ERBB4: variants seen among roughly 807,000 people sequenced by gnomAD.
ERBB4 encodes the protein erb-b2 receptor tyrosine kinase 4.
Under a neutral mutation model 158.0 loss-of-function variants are expected in ERBB4, and 42 were observed. The observed-to-expected ratio is 0.27, with a 90% confidence interval of 0.21 to 0.34. The LOEUF (loss-of-function observed/expected upper bound fraction) is 0.34. Ranked by LOEUF, ERBB4 falls within the 10% of genes least tolerant of loss-of-function variation. The pLI, the probability that ERBB4 is intolerant of heterozygous loss-of-function variation, is 1.00. For missense variants in ERBB4, 1,333 were observed against 1,624.1 expected (o/e 0.82, Z 3.08); for synonymous variants, 583 against 558.7 (o/e 1.04, Z -0.61).
chr2:211,956,331 A>C (rs755039305), intron 2 of ERBB4, among the ~76,000 whole-genome samples: 12 of 152,102 alleles, frequency 7.9e-5, no homozygotes, highest in Non-Finnish European at 1.2e-4. Context: ...AGTAAAAAGA[A>C]ATTATTAGTT....
intron 15 of ERBB4, among the ~76,000 whole-genome samples, chr2:211,659,377 A>C (rs2071336669): frequency 6.6e-6 from 1 of 152,092 alleles, no homozygotes; most frequent in South Asian, 2.1e-4. Flanking sequence ...ATTATATATA[A>C]TCTATAGTCA....
At chr2:212,434,080 C>T (rs2092086251) in intron 1 of ERBB4, among the ~76,000 whole-genome samples, 1 of 151,938 alleles carries the variant, frequency 6.6e-6, no homozygotes, top group South Asian at 2.1e-4. Flanking sequence ...TTTTAAAAAG[C>T]ATGTTTCAGA....
chr2:211,875,044 A>AAAAAAAC (rs1559600616), intron 3 of ERBB4, among the ~76,000 whole-genome samples: 13 of 114,070 alleles, frequency 1.1e-4, no homozygotes, highest in African/African-American at 3.6e-4. Flanking sequence ...AAAAAAAAAA[A>AAAAAAAC]AAAAAACAAA....
chr2:211,804,811 T>C (rs1189476321), intron 3 of ERBB4, among the ~76,000 whole-genome samples: 1 of 152,180 alleles, frequency 6.6e-6, no homozygotes, highest in African/African-American at 2.4e-5. Context: ...TCTTTAACTG[T>C]CCATTTTAGA....
intron 1 of ERBB4, among the ~76,000 whole-genome samples, chr2:212,185,916 T>G (rs114701744): frequency 6.6e-5 from 10 of 152,248 alleles, no homozygotes; most frequent in African/African-American, 2.4e-4. Context: ...TGCAAATACA[T>G]AAAAATTTCT....
intron 2 of ERBB4, among the ~76,000 whole-genome samples, chr2:212,026,074 AT>A (rs1212410191): frequency 6.6e-6 from 1 of 151,724 alleles, no homozygotes; most frequent in Non-Finnish European, 1.5e-5. Context: ...CTATGCAGAT[AT>A]TATTATTAAA....
At chr2:211,885,847 T>C (rs2078785882) in intron 3 of ERBB4, among the ~76,000 whole-genome samples, 1 of 152,182 alleles carries the variant, frequency 6.6e-6, no homozygotes, top group South Asian at 2.1e-4. Context: ...CTTAATGAAA[T>C]TAGTCTTTAA....
chr2:212,123,174 G>A (rs2079809808), intron 2 of ERBB4, among the ~76,000 whole-genome samples: 1 of 152,198 alleles, frequency 6.6e-6, no homozygotes, highest in Non-Finnish European at 1.5e-5. Flanking sequence ...GGCCGAGGAG[G>A]GCGGATTGCC....
intron 1 of ERBB4, among the ~76,000 whole-genome samples, chr2:212,129,787 C>T (rs750806174): frequency 1.3e-5 from 2 of 151,990 alleles, no homozygotes; most frequent in Non-Finnish European, 2.9e-5. Flanking sequence ...ACTCTATTTG[C>T]CAAACATTCT....
At chr2:212,528,567 T>C (rs1575087437) in intron 1 of ERBB4, among the ~76,000 whole-genome samples, 1 of 152,190 alleles carries the variant, frequency 6.6e-6, no homozygotes, top group Non-Finnish European at 1.5e-5. Flanking sequence ...AATTTTCTCA[T>C]TAATAGATTA....
chr2:212,046,634 G>A (rs1300095112), intron 2 of ERBB4, among the ~76,000 whole-genome samples: 2 of 152,162 alleles, frequency 1.3e-5, no homozygotes, highest in African/African-American at 2.4e-5. Context: ...ACAGTCCAGT[G>A]ATTCTTATAT....
chr2:211,925,708 T>A (rs2080002545), intron 3 of ERBB4, among the ~76,000 whole-genome samples: 1 of 152,162 alleles, frequency 6.6e-6, no homozygotes, highest in Admixed American at 6.5e-5. Context: ...ACTACGGAAA[T>A]AAATATATGT....
At chr2:211,962,328 C>T (rs1270574985) in intron 2 of ERBB4, among the ~76,000 whole-genome samples, 1 of 152,156 alleles carries the variant, frequency 6.6e-6, no homozygotes, top group Non-Finnish European at 1.5e-5. Context: ...CAAATTCTCT[C>T]TATTCATATG....
chr2:211,589,840 AC>A (rs1210772784), intron 19 of ERBB4, among the ~76,000 whole-genome samples: 4 of 152,146 alleles, frequency 2.6e-5, no homozygotes, highest in Non-Finnish European at 5.9e-5. Flanking sequence ...ATTATTAAAA[AC>A]ATCTATGTCC....
chr2:212,462,702 C>T (rs1415466002), intron 1 of ERBB4, among the ~76,000 whole-genome samples: 4 of 152,072 alleles, frequency 2.6e-5, no homozygotes, highest in Admixed American at 2.6e-4. Context: ...GGATGCTCCT[C>T]AAAAAAGTAA....
intron 20 of ERBB4, among the ~76,000 whole-genome samples, chr2:211,513,357 C>CAAAAAAAAAAAAAAAAAAAAA (rs61042785): frequency 2.6e-5 from 1 of 39,200 alleles, no homozygotes; most frequent in African/African-American, 6.6e-5. Context: ...GACTCCGTCT[C>CAAAAAAAAAAAAAAAAAAAAA]AAAAAAAAAA....
intron 1 of ERBB4, among the ~76,000 whole-genome samples, chr2:212,284,822 T>C (rs1427986133): frequency 6.6e-6 from 1 of 152,116 alleles, no homozygotes; most frequent in Non-Finnish European, 1.5e-5. Context: ...TGTTTACAAA[T>C]AACAGGATGG....
At chr2:212,143,704 C>A (rs184033308) in intron 1 of ERBB4, among the ~76,000 whole-genome samples, 1 of 152,032 alleles carries the variant, frequency 6.6e-6, no homozygotes, top group Non-Finnish European at 1.5e-5. Context: ...TCTTCCTTTT[C>A]GCACTTTGTT....
intron 19 of ERBB4, among the ~76,000 whole-genome samples, chr2:211,592,634 G>A (rs535426417): frequency 6.6e-6 from 1 of 152,228 alleles, no homozygotes; most frequent in East Asian, 1.9e-4. Context: ...CTAGATGAAA[G>A]AAAGGGGAAT....
Sources: gnomAD v4.1 joint callset for allele counts (sites outside exome capture counted in the v4.1 genomes callset) on GRCh38, gnomAD v4.1.1 for gene constraint, MANE v1.5 for transcripts, NCBI Gene and HGNC (gene_info 2026-07-23, HGNC 2026-07-21) for gene names.